UNC5D: variants seen among roughly 807,000 people sequenced by gnomAD.
The protein encoded by UNC5D is netrin receptor UNC5D.
UNC5D carries 39 observed loss-of-function variants against 105.4 expected under a neutral mutation model. That is an observed-to-expected ratio of 0.37 (90% confidence interval 0.29 to 0.48). The LOEUF (loss-of-function observed/expected upper bound fraction) is 0.48. Among genes scored for constraint, UNC5D ranks in the 20% least tolerant of loss-of-function variants. The pLI is 0.98. For synonymous variants in UNC5D, 452 were observed against 450.4 expected (o/e 1.00, Z -0.04); for missense variants, 991 against 1,202.4 (o/e 0.82, Z 2.60).
chr8:35,497,169 T>C (rs1811656325), intron 1 of UNC5D, among the ~76,000 whole-genome samples: 1 of 152,198 alleles, frequency 6.6e-6, no homozygotes, highest in South Asian at 2.1e-4. Context: ...GATGATCTAA[T>C]GGCCATGTAC....
At position 35,615,045 on chromosome 8, in the gene UNC5D, C is replaced by G. The variant is rs57650439; in HGVS notation, c.570+19388C>G. On this transcript the variant is annotated intron_variant, in intron 4 of 16. Transcript: ENST00000404895. ...GGCAACATAGTGAGGGGCCCCCCCC[C>G]CCCCGTCCCCCACCCCCCGATCTCC... Among the ~76,000 whole-genome samples, 27 of 127,262 alleles carry G rather than the reference C, an allele frequency of 2.1e-4. 2 individuals carry two copies. Among genetic ancestry groups the G allele is most frequent in the Middle Eastern group, 3.8e-3 (1 of 262 alleles). The allele number at this position is 127,262 out of a possible 152,430, so 83.5% of individuals were successfully genotyped here.
chr8:35,622,759 G>A (rs1821437231), intron 4 of UNC5D, among the ~76,000 whole-genome samples: 1 of 152,044 alleles, frequency 6.6e-6, no homozygotes, highest in African/African-American at 2.4e-5. Context: ...TTCTCACCTT[G>A]TAATATGTTG....
rs376657319 is a variant in UNC5D, at chr8:35,720,610, C to T, written c.1118-1600C>T. On this transcript the variant is annotated intron_variant, in intron 8 of 16. Transcript: ENST00000404895. ...GTGGGAGCTTAAGAATGATAGCTGC[C>T]CTCCTTCTTACCACACATGACAGAG... is the stretch of plus-strand genomic sequence containing the variant. Among the ~76,000 whole-genome samples the T allele has an allele frequency of 7.2e-5, 11 of 152,202 alleles. No homozygotes were observed. In the South Asian group the frequency reaches 2.3e-3, roughly 32 times the overall value.
intron 1 of UNC5D, among the ~76,000 whole-genome samples, chr8:35,264,207 T>A (rs1804677232): frequency 6.6e-6 from 1 of 152,226 alleles, no homozygotes; most frequent in African/African-American, 2.4e-5. Flanking sequence ...GCTTATCAAT[T>A]CATTAATCTA....
intron 1 of UNC5D, among the ~76,000 whole-genome samples, chr8:35,272,237 G>A (rs1805458462): frequency 6.6e-6 from 1 of 152,160 alleles, no homozygotes; most frequent in Non-Finnish European, 1.5e-5. Context: ...TATATTTTCA[G>A]TTGACTAGCT....
chr8:35,496,688 T>C (rs1489226097), intron 1 of UNC5D, among the ~76,000 whole-genome samples: 1 of 152,090 alleles, frequency 6.6e-6, no homozygotes, highest in Non-Finnish European at 1.5e-5. Context: ...ACTCAATAAA[T>C]TTTAGTATAT....
chr8:35,716,306 G>T (rs1391330779), intron 8 of UNC5D, among the ~76,000 whole-genome samples: 1 of 152,196 alleles, frequency 6.6e-6, no homozygotes, highest in East Asian at 1.9e-4. Context: ...ATGAGAATGT[G>T]ATCATCTGTG....
rs1001011665 is a variant in UNC5D at position 35,664,152 on chromosome 8, TAACTCAAG to T, written c.571-19390_571-19383del. Among the ~76,000 whole-genome samples the T allele has an allele frequency of 6.1e-4, 93 of 152,316 alleles. No homozygotes were observed. The Middle Eastern group carries it at 0.027, about 45-fold the overall frequency. On this transcript the variant is annotated intron_variant, in intron 4 of 16. Coordinates refer to ENST00000404895, the MANE Select transcript of UNC5D (RefSeq NM_080872.4). ...TTTAAAGGGCAGAATAGTTTCATCT[TAACTCAAG>T]AACTGCAGTTATTTTATAGTTTTAC...
At chr8:35,537,048 T>C (rs1814899214) in intron 1 of UNC5D, among the ~76,000 whole-genome samples, 1 of 152,122 alleles carries the variant, frequency 6.6e-6, no homozygotes, top group African/African-American at 2.4e-5. Context: ...TGGTATCATT[T>C]AAGACCTTGA....
At chr8:35,486,258 C>T (rs571097421) in intron 1 of UNC5D, among the ~76,000 whole-genome samples, 5 of 152,282 alleles carry the variant, frequency 3.3e-5, no homozygotes, top group East Asian at 1.9e-4. Context: ...GTTATGCATA[C>T]GTATGGCTAA....
chr8:35,258,227 A>G (rs1186705271), intron 1 of UNC5D, among the ~76,000 whole-genome samples: 2 of 152,218 alleles, frequency 1.3e-5, no homozygotes, highest in African/African-American at 4.8e-5. Flanking sequence ...TGCTGCCTCA[A>G]CCCATTTTAT....
chr8:35,374,916 C>T (rs761742754), intron 1 of UNC5D, among the ~76,000 whole-genome samples: 4 of 152,098 alleles, frequency 2.6e-5, no homozygotes, highest in East Asian at 1.9e-4. Flanking sequence ...TTCACATAAA[C>T]GAACTTTCTA....
intron 4 of UNC5D, among the ~76,000 whole-genome samples, chr8:35,644,019 T>C (rs1344970837): frequency 6.6e-6 from 1 of 152,134 alleles, no homozygotes; most frequent in Non-Finnish European, 1.5e-5. Context: ...AGCCATCGGC[T>C]ATGTTTCTCA....
At chr8:35,719,564 A>C (rs1399047517) in intron 8 of UNC5D, among the ~76,000 whole-genome samples, 1 of 152,170 alleles carries the variant, frequency 6.6e-6, no homozygotes, top group Non-Finnish European at 1.5e-5. Context: ...GCTGCACTTG[A>C]AGTACCCAGA....
chr8:35,571,362 AAT>A (rs1817707930), intron 3 of UNC5D, among the ~76,000 whole-genome samples: 1 of 152,226 alleles, frequency 6.6e-6, no homozygotes, highest in Non-Finnish European at 1.5e-5. Flanking sequence ...TATAATCTCT[AAT>A]ATTTGCAACA....
chr8:35,670,439 C>T (rs1038854972), intron 4 of UNC5D, among the ~76,000 whole-genome samples: 5 of 152,020 alleles, frequency 3.3e-5, no homozygotes, highest in East Asian at 1.9e-4. Context: ...TTGACAATAG[C>T]GAAGACATGG....
intron 1 of UNC5D, among the ~76,000 whole-genome samples, chr8:35,258,381 T>C (rs1258857311): frequency 1.3e-5 from 2 of 152,172 alleles, no homozygotes; most frequent in African/African-American, 2.4e-5. Context: ...CATAGTAATA[T>C]GTTATTTTTA....
intron 1 of UNC5D, among the ~76,000 whole-genome samples, chr8:35,405,407 G>A (rs2128953530): frequency 6.6e-6 from 1 of 152,248 alleles, no homozygotes; most frequent in Admixed American, 6.5e-5. Flanking sequence ...GTTACTTCTG[G>A]ATTTAAGCTG....
chr8:35,299,772 T>C (rs1807783399), intron 1 of UNC5D, among the ~76,000 whole-genome samples: 1 of 152,176 alleles, frequency 6.6e-6, no homozygotes, highest in Non-Finnish European at 1.5e-5. Context: ...ATTACCTAAA[T>C]ATTCACACCT....
Sources: allele counts gnomAD v4.1 joint callset (sites outside exome capture counted in the v4.1 genomes callset), GRCh38; gene constraint gnomAD v4.1.1; transcripts MANE v1.5; gene names NCBI Gene and HGNC (gene_info 2026-07-23, HGNC 2026-07-21).